The following GLIPR1 variants were observed in gnomAD, a reference collection of about 807,000 sequenced individuals.
GLIPR1 encodes GLI pathogenesis related 1.
A neutral mutation model predicts 30.3 loss-of-function variants in GLIPR1; 38 were observed. That is an observed-to-expected ratio of 1.26 (90% CI 0.97 to 1.65). The LOEUF (loss-of-function observed/expected upper bound fraction) is 1.65, where lower values mean the gene tolerates loss of function less well. GLIPR1 is among the 40% of genes most tolerant of loss of function. The pLI is 0.00. For missense variants in GLIPR1, 285 were observed against 326.5 expected, an observed-to-expected ratio of 0.87 and a Z score of 0.98; for synonymous variants, 122 against 110.6, an observed-to-expected ratio of 1.10 and a Z score of -0.65.
At chr12:75,498,606 A>C (rs2046366501) in intron 4 of GLIPR1, 88 bp from the exon 5 acceptor site, 4 of 1,064,224 alleles carry the variant, frequency 3.8e-6, no homozygotes, top group Non-Finnish European at 2.9e-6. Flanking sequence ...GTTAATGGTC[A>C]TAATTATAAG....
intron 2 of GLIPR1, among the ~76,000 whole-genome samples, chr12:75,487,463 C>A (rs2046298811): frequency 1.3e-5 from 2 of 152,232 alleles, no homozygotes; most frequent in Admixed American, 1.3e-4. Context: ...TAAGCTGATT[C>A]ATTGCCTGTT....
chr12:75,492,554 C>G (rs907320518), intron 3 of GLIPR1: 2 of 152,082 alleles, frequency 1.3e-5, no homozygotes, highest in African/African-American at 4.8e-5. Context: ...ATATATAATG[C>G]TTGGCAATAG....
chr12:75,481,878 C>T lies in GLIPR1; in HGVS notation c.219C>T (p.Ser73=), dbSNP rs1275177295. Residue 73 remains serine (S), a synonymous_variant, in exon 2 of 6, where the codon AGC becomes AGT. Coordinates refer to ENST00000266659, the MANE Select transcript of GLIPR1 (RefSeq NM_006851.3). ...CCCAAATTGCAAAAGCATGGGCCAG[C>T]AATTGCCAGTTTTCACATAATACAC... ...ALAQIAKAWA[S]NCQFSHNTRL... The T allele has an allele frequency of 3.2e-5, 52 of 1,613,948 alleles. No homozygotes were observed. The highest frequency in any genetic ancestry group is 4.3e-5 in the Non-Finnish European group (51 of 1,179,926).
At position 75,499,769 on chromosome 12, in the gene GLIPR1, T is replaced by C. The variant is rs1340095090; in HGVS notation, c.*791T>C. ...TAATGCCTGATATCTCAAAATCCTT[T>C]ACAAAAGGAGATAGTTCTAGTCAAG... On this transcript the variant is annotated 3_prime_UTR_variant, in exon 6 of 6. Transcript: ENST00000266659. The C allele has an allele frequency of 1.3e-6, 2 of 1,498,010 alleles. No homozygotes were observed. 92.8% of individuals were successfully genotyped at this position (1,498,010 alleles called of 1,614,324 possible). A position where few individuals can be genotyped will look rare whatever the true frequency, so the allele number is the denominator to read the frequency against.
At chr12:75,496,919 T>C (rs1229464444) in intron 4 of GLIPR1, 3 of 152,228 alleles carry the variant, frequency 2.0e-5, no homozygotes, top group African/African-American at 7.2e-5. Context: ...GTCCAATCAT[T>C]CTTTATTTCA....
intron 2 of GLIPR1, among the ~76,000 whole-genome samples, chr12:75,486,458 G>T (rs1403081398): frequency 6.6e-6 from 1 of 152,172 alleles, no homozygotes; most frequent in African/African-American, 2.4e-5. Context: ...AGTTGGTATT[G>T]TTATTATCCT....
Position 75,501,953 on chromosome 12 carries a change from C to CTGATTT in GLIPR1, c.*2976_*2981dup. ...TTGCTTCCATTTTCTGCCGCTTCTT[C>CTGATTT]TGATTTGCCTTCAAAAAGTATTCAC... On this transcript the variant is annotated 3_prime_UTR_variant, in exon 6 of 6. Transcript: ENST00000266659. 2 of 1,612,556 alleles carry CTGATTT rather than the reference C, an allele frequency of 1.2e-6. No individual in the cohort carries two copies. The highest frequency in any genetic ancestry group is 1.7e-6 in the Non-Finnish European group (2 of 1,179,116).
rs778802533 is a variant in GLIPR1, at chr12:75,480,887, G to C, written c.7G>C (p.Val3Leu). The change falls in exon 1 of 6, where the codon GTC becomes CTC. Residue 3 changes from valine (V) to leucine (L), a missense_variant. By Grantham distance (32) the Val-to-Leu change is conservative. Coordinates refer to ENST00000266659, the MANE Select transcript of GLIPR1 (RefSeq NM_006851.3). ...GCTCCATGCCAGACAAAGCATGCGT[G>C]TCACACTTGCTACAATAGCCTGGAT... is the stretch of plus-strand genomic sequence containing the variant. The part of the protein sequence containing the change: MR[V>L]TLATIAWMVS... 6.2e-7 allele frequency: 1 copy of C among 1,609,916 alleles called. No individual in the cohort carries two copies. The highest frequency in any genetic ancestry group is 1.1e-5 in the South Asian group (1 of 90,654).
chr12:75,495,801 C>T, intron 4 of GLIPR1, 139 bp downstream of exon 4: 2 of 557,360 alleles, frequency 3.6e-6, no homozygotes, highest in South Asian at 2.6e-5. Context: ...AAACCAATGG[C>T]TTACTGTTCT....
chr12:75,493,587 A>C (rs1356063126), intron 3 of GLIPR1: 1 of 152,212 alleles, frequency 6.6e-6, no homozygotes, highest in African/African-American at 2.4e-5. Flanking sequence ...AGATAGTACC[A>C]GTGTGCTTAG....
Position 75,480,842 on chromosome 12 carries a change from C to G in GLIPR1, c.-39C>G. 6.4e-7 allele frequency: 1 copy of G among 1,553,022 alleles called. No individual in the cohort carries two copies. ...CACACTCTCAGAAACTGCGGCGGCT[C>G]TGGACTGCAGCCTCCCAAGGCTCCA... On this transcript the variant is annotated 5_prime_UTR_variant, in exon 1 of 6. Transcript: ENST00000266659.
Position 75,481,208 on chromosome 12 carries a change from A to G in GLIPR1, c.174+154A>G, listed in dbSNP as rs2046268717. On this transcript the variant is annotated intron_variant, in intron 1 of 5. Coordinates refer to ENST00000266659, the MANE Select transcript of GLIPR1 (RefSeq NM_006851.3). ...CACAGTCTGTGATCAAAACACATCC[A>G]GTTTAGCTCTGTCTACCCAACTGTT... is the stretch of plus-strand genomic sequence containing the variant. 3 of 542,366 alleles carry G rather than the reference A, an allele frequency of 5.5e-6. No homozygotes were observed. The South Asian group carries it at 8.5e-5, about 15-fold the overall frequency. The allele number at this position is 542,366 out of a possible 1,614,324, so 33.6% of individuals were successfully genotyped here.
At chr12:75,484,001 A>C (rs2046282742) in intron 2 of GLIPR1, 1 of 152,210 alleles carries the variant, frequency 6.6e-6, no homozygotes, top group African/African-American at 2.4e-5. Flanking sequence ...TTATGCCATA[A>C]ATGCCTGAGA....
At chr12:75,481,569 G>A (rs1190718262) in intron 1 of GLIPR1, 1 of 447,356 alleles carries the variant, frequency 2.2e-6, no homozygotes, top group East Asian at 3.9e-5. Flanking sequence ...GAATAATGTT[G>A]TGAAACACGG....
intron 4 of GLIPR1, chr12:75,495,897 AC>A (rs2046347770): frequency 3.1e-6 from 1 of 317,980 alleles, no homozygotes; most frequent in Non-Finnish European, 5.7e-6. Context: ...AACAAAAAAA[AC>A]TGTCAGAAAC....
At position 75,499,937 on chromosome 12, in the gene GLIPR1, TAGTTTCAGTAGA is replaced by T; in HGVS notation, c.*962_*973del. 1 of 1,601,076 alleles carries T rather than the reference TAGTTTCAGTAGA, an allele frequency of 6.2e-7. No individual in the cohort carries two copies. Among genetic ancestry groups the T allele is most frequent in the Non-Finnish European group, 8.5e-7 (1 of 1,175,456 alleles). On this transcript the variant is annotated 3_prime_UTR_variant, in exon 6 of 6. Transcript: ENST00000266659. The stretch of plus-strand genomic sequence containing the variant: ...TCCTTGATGCTGGCCACATCAATTT[TAGTTTCAGTAGA>T]AGCTAGACAAATTAAAAGCACAACA...
intron 2 of GLIPR1, 130 bp downstream of exon 2, chr12:75,482,209 C>A: frequency 1.2e-6 from 1 of 808,472 alleles, no homozygotes; most frequent in Non-Finnish European, 2.0e-6. Context: ...ATAGAACAGC[C>A]TCCAAGAACA....
intron 3 of GLIPR1, chr12:75,494,190 T>C (rs1386530743): frequency 1.3e-5 from 2 of 152,158 alleles, no homozygotes; most frequent in Non-Finnish European, 2.9e-5. Context: ...CGTTATAAAG[T>C]TGTGTGTCTA....
intron 3 of GLIPR1, chr12:75,493,282 T>C (rs1287572263): frequency 1.3e-5 from 2 of 152,202 alleles, no homozygotes; most frequent in East Asian, 3.8e-4. Context: ...GTTAGGAATG[T>C]CCTCATTTCC....
Sources: gnomAD v4.1 joint callset for allele counts (sites outside exome capture counted in the v4.1 genomes callset) on GRCh38, gnomAD v4.1.1 for gene constraint, MANE v1.5 for transcripts, NCBI Gene and HGNC (gene_info 2026-07-23, HGNC 2026-07-21) for gene names.